TMEM163: variants seen among roughly 807,000 people sequenced by gnomAD.
The protein encoded by TMEM163 is transmembrane protein 163.
TMEM163 carries 17 observed loss-of-function variants against 29.3 expected under a neutral mutation model. That is an observed-to-expected ratio of 0.58 (90% confidence interval 0.40 to 0.87). The LOEUF is 0.87. Ranked by LOEUF, TMEM163 falls within the 40% of genes least tolerant of loss-of-function variation. TMEM163 has a pLI of 0.00. For missense variants in TMEM163, 303 were observed against 381.5 expected, an observed-to-expected ratio of 0.79 and a Z score of 1.71; for synonymous variants, 157 against 160.6, an observed-to-expected ratio of 0.98 and a Z score of 0.17.
At position 134,708,559 on chromosome 2, in the gene TMEM163, A is replaced by C. The variant is rs6430532; in HGVS notation, c.322+4641T>G. Among the ~76,000 whole-genome samples, 457 of 151,010 alleles carry C rather than the reference A, an allele frequency of 3.0e-3. 1 individual carries two copies. The highest frequency in any genetic ancestry group is 0.011 in the African/African-American group (437 of 41,322). On this transcript the variant is annotated intron_variant, in intron 2 of 7. Transcript: ENST00000281924. ...TCTACAGCTGCACCTAATTTTTTAT[A>C]TATTTTTTAATTTTATTTATTTATT...
chr2:134,585,439 A>G (rs1681792279), intron 2 of TMEM163, among the ~76,000 whole-genome samples: 1 of 152,208 alleles, frequency 6.6e-6, no homozygotes, highest in Non-Finnish European at 1.5e-5. Context: ...CAAATGAGTT[A>G]ATACATTAAA....
At chr2:134,639,500 A>T (rs1311093320) in intron 2 of TMEM163, among the ~76,000 whole-genome samples, 1 of 152,078 alleles carries the variant, frequency 6.6e-6, no homozygotes, top group African/African-American at 2.4e-5. Flanking sequence ...TTCACTGGAG[A>T]TGCTGAGACC....
At chr2:134,597,384 G>C (rs1682111118) in intron 2 of TMEM163, among the ~76,000 whole-genome samples, 1 of 152,178 alleles carries the variant, frequency 6.6e-6, no homozygotes, top group African/African-American at 2.4e-5. Flanking sequence ...TGTGGTTTTT[G>C]TCTTTGGTTC....
chr2:134,602,636 A>C (rs905837038), intron 2 of TMEM163, among the ~76,000 whole-genome samples: 2 of 152,188 alleles, frequency 1.3e-5, no homozygotes, highest in African/African-American at 4.8e-5. Context: ...TCACTGAGGG[A>C]TCATTCCTCT....
At chr2:134,572,805 G>A (rs1681463860) in intron 2 of TMEM163, among the ~76,000 whole-genome samples, 1 of 152,160 alleles carries the variant, frequency 6.6e-6, no homozygotes, top group Non-Finnish European at 1.5e-5. Context: ...CCTCTGCAAG[G>A]AGGCCTGTAC....
At chr2:134,528,600 T>C (rs986344023) in intron 4 of TMEM163, among the ~76,000 whole-genome samples, 1 of 152,220 alleles carries the variant, frequency 6.6e-6, no homozygotes, top group African/African-American at 2.4e-5. Context: ...GTAACATCTC[T>C]AGGGTCAATT....
At chr2:134,477,107 G>A (rs185251717) in intron 5 of TMEM163, among the ~76,000 whole-genome samples, 2 of 152,162 alleles carry the variant, frequency 1.3e-5, no homozygotes, top group African/African-American at 4.8e-5. Context: ...CTTCTTATCT[G>A]CCTGTGAGCT....
At chr2:134,668,827 T>G (rs1295338339) in intron 2 of TMEM163, among the ~76,000 whole-genome samples, 1 of 152,122 alleles carries the variant, frequency 6.6e-6, no homozygotes, top group South Asian at 2.1e-4. Flanking sequence ...TATATATATT[T>G]GCAGGCAAGA....
chr2:134,636,131 T>C (rs1029251707), intron 2 of TMEM163, among the ~76,000 whole-genome samples: 4 of 152,220 alleles, frequency 2.6e-5, no homozygotes, highest in Non-Finnish European at 5.9e-5. Context: ...ACCAAGGGTC[T>C]GCCAGGACCT....
chr2:134,604,314 A>G (rs1413551841), intron 2 of TMEM163, among the ~76,000 whole-genome samples: 2 of 152,168 alleles, frequency 1.3e-5, no homozygotes, highest in Non-Finnish European at 2.9e-5. Flanking sequence ...CACATAGAGA[A>G]TGGAATAGAG....
At chr2:134,635,720 A>G (rs1683089484) in intron 2 of TMEM163, among the ~76,000 whole-genome samples, 1 of 152,226 alleles carries the variant, frequency 6.6e-6, no homozygotes, top group South Asian at 2.1e-4. Flanking sequence ...TTCCAGCTTC[A>G]GAGAGCAGAG....
chr2:134,496,705 C>T (rs1679571143), intron 5 of TMEM163, among the ~76,000 whole-genome samples: 1 of 152,188 alleles, frequency 6.6e-6, no homozygotes, highest in Admixed American at 6.5e-5. Flanking sequence ...AGGGAGGAGA[C>T]AGACAAGGAG....
intron 5 of TMEM163, among the ~76,000 whole-genome samples, chr2:134,492,436 G>A (rs145477736): frequency 3.2e-4 from 49 of 152,232 alleles, no homozygotes; most frequent in Non-Finnish European, 1.2e-4. Flanking sequence ...TAACGTATCT[G>A]TAACTGTTAC....
chr2:134,594,759 A>C (rs1023151265), intron 2 of TMEM163, among the ~76,000 whole-genome samples: 2 of 152,196 alleles, frequency 1.3e-5, no homozygotes, highest in African/African-American at 4.8e-5. Flanking sequence ...TTCAGAAGGA[A>C]GCTTGGTGCC....
intron 5 of TMEM163, among the ~76,000 whole-genome samples, chr2:134,491,747 C>CT (rs1400501856): frequency 3.3e-5 from 5 of 152,124 alleles, no homozygotes; most frequent in African/African-American, 1.2e-4. Context: ...CTAAAAAGCT[C>CT]TTTTTTTGCT....
chr2:134,504,437 G>C (rs528029870), intron 4 of TMEM163, among the ~76,000 whole-genome samples: 99 of 150,092 alleles, frequency 6.6e-4, no homozygotes, highest in African/African-American at 2.4e-3. Context: ...ACCCCCCAAG[G>C]GACACAGGCT....
At chr2:134,474,510 T>C (rs10171420) in intron 5 of TMEM163, among the ~76,000 whole-genome samples, 34,154 of 152,112 alleles carry the variant, frequency 0.22, 7,796 homozygotes, top group African/African-American at 0.56. Context: ...TTACTTCCAT[T>C]TGACTCTGAT....
At chr2:134,553,015 C>T (rs1558943048) in intron 2 of TMEM163, among the ~76,000 whole-genome samples, 1 of 152,112 alleles carries the variant, frequency 6.6e-6, no homozygotes, top group African/African-American at 2.4e-5. Context: ...TTTCCTAATT[C>T]TGTTTTGTGC....
chr2:134,648,519 GC>G (rs1335320522), intron 2 of TMEM163, among the ~76,000 whole-genome samples: 5 of 152,062 alleles, frequency 3.3e-5, no homozygotes, highest in Non-Finnish European at 7.4e-5. Context: ...ACCCTCTTCT[GC>G]CCAGAATTTC....
Sources: allele counts gnomAD v4.1 joint callset (sites outside exome capture counted in the v4.1 genomes callset), GRCh38; gene constraint gnomAD v4.1.1; transcripts MANE v1.5; gene names NCBI Gene and HGNC (gene_info 2026-07-23, HGNC 2026-07-21).